The following NLGN1 variants were observed in gnomAD, a reference collection of about 807,000 sequenced individuals.
NLGN1 encodes the protein neuroligin-1.
In NLGN1, 12 loss-of-function variants were observed where a neutral mutation model predicts 65.5. That is an observed-to-expected ratio of 0.18 (90% confidence interval 0.12 to 0.30). The LOEUF (loss-of-function observed/expected upper bound fraction) is 0.30. Among genes scored for constraint, NLGN1 ranks in the 10% least tolerant of loss-of-function variants. The probability of loss-of-function intolerance (pLI) is 1.00; values close to 1 mark genes in which losing one functional copy is unlikely to be tolerated. For synonymous variants in NLGN1, 350 were observed against 359.5 expected (o/e 0.97, Z 0.30); for missense variants, 750 against 1,007.1 (o/e 0.74, Z 3.46).
intron 4 of NLGN1, among the ~76,000 whole-genome samples, chr3:174,128,709 G>T (rs1275370514): frequency 6.6e-6 from 1 of 152,026 alleles, no homozygotes; most frequent in Non-Finnish European, 1.5e-5. Flanking sequence ...GTCCATTTCG[G>T]GACAAGCTAT....
At chr3:173,622,070 T>C (rs148627070) in intron 3 of NLGN1, among the ~76,000 whole-genome samples, 15 of 152,134 alleles carry the variant, frequency 9.9e-5, no homozygotes, top group Non-Finnish European at 1.9e-4. Context: ...AAAATTTCTC[T>C]ATTACTGTCA....
chr3:174,040,814 A>ATT (rs1346400240), intron 4 of NLGN1, among the ~76,000 whole-genome samples: 2 of 152,090 alleles, frequency 1.3e-5, no homozygotes, highest in African/African-American at 2.4e-5. Flanking sequence ...TATCACCTAG[A>ATT]TTCTATCATT....
chr3:173,541,037 A>T (rs57930505), intron 2 of NLGN1, among the ~76,000 whole-genome samples: 250 of 152,284 alleles, frequency 1.6e-3, no homozygotes, highest in African/African-American at 5.4e-3. Flanking sequence ...AAGCACAGTG[A>T]CGTGCCATCC....
intron 3 of NLGN1, among the ~76,000 whole-genome samples, chr3:173,788,072 C>T (rs913721714): frequency 6.6e-6 from 1 of 151,684 alleles, no homozygotes; most frequent in Non-Finnish European, 1.5e-5. Context: ...TTTAGAAATA[C>T]AGCTTTGTCC....
At chr3:173,759,000 T>G (rs1307397726) in intron 3 of NLGN1, among the ~76,000 whole-genome samples, 1 of 151,964 alleles carries the variant, frequency 6.6e-6, no homozygotes, top group African/African-American at 2.4e-5. Flanking sequence ...AATTTTGCAC[T>G]TAGGTACTTG....
At position 174,083,634 on chromosome 3, in the gene NLGN1, T is replaced by A. The variant is rs151229345; in HGVS notation, c.647-191681T>A. Among the ~76,000 whole-genome samples, 408 of 152,264 alleles carry A rather than the reference T, an allele frequency of 2.7e-3. 3 individuals carry two copies. Among genetic ancestry groups the A allele is most frequent in the African/African-American group, 9.4e-3 (392 of 41,560 alleles). ...ATAGATTTTAAGTATTGGAATACTTTTAAAAAAGAAATGCCGGAAAGTTCA... is the reference window on the plus strand; with the variant it reads ...ATAGATTTTAAGTATTGGAATACTTATAAAAAAGAAATGCCGGAAAGTTCA... On this transcript the variant is annotated intron_variant, in intron 4 of 6. Transcript: ENST00000457714.
chr3:173,644,119 G>A (rs1049548539), intron 3 of NLGN1: 2 of 152,254 alleles, frequency 1.3e-5, no homozygotes, highest in African/African-American at 2.4e-5. Context: ...GCGCTCAACA[G>A]TATGACAAGA....
At chr3:173,605,048 C>T (rs140286287) in exon 3 of NLGN1, 122 of 1,612,478 alleles carry the variant, frequency 7.6e-5, no homozygotes, top group Non-Finnish European at 9.7e-5. Flanking sequence ...AAGACCAGAG[C>T]GAAGACTGCC....
chr3:173,975,033 G>C (rs933352526), intron 4 of NLGN1, among the ~76,000 whole-genome samples: 13 of 152,040 alleles, frequency 8.6e-5, no homozygotes, highest in Admixed American at 8.5e-4. Flanking sequence ...TAGAGACAGA[G>C]AGAAGATTGG....
intron 4 of NLGN1, among the ~76,000 whole-genome samples, chr3:173,922,196 T>C (rs1418658772): frequency 6.6e-6 from 1 of 152,096 alleles, no homozygotes; most frequent in African/African-American, 2.4e-5. Context: ...TTAAAATTTG[T>C]ATAAAGAACT....
chr3:173,921,181 T>G (rs1216562702), intron 4 of NLGN1, among the ~76,000 whole-genome samples: 3 of 128,960 alleles, frequency 2.3e-5, no homozygotes, highest in Admixed American at 7.4e-5. Context: ...ATATTACATA[T>G]TATATATACA....
chr3:173,939,516 A>G (rs1288259277), intron 4 of NLGN1, among the ~76,000 whole-genome samples: 4 of 152,210 alleles, frequency 2.6e-5, no homozygotes, highest in Non-Finnish European at 5.9e-5. Flanking sequence ...AAAAAGGCAC[A>G]TAATGATCTT....
chr3:174,226,184 A>G (rs1044986021), intron 4 of NLGN1, among the ~76,000 whole-genome samples: 4 of 152,162 alleles, frequency 2.6e-5, no homozygotes, highest in Admixed American at 2.6e-4. Context: ...GAAGTTCTTT[A>G]TGAGCACAGC....
rs1751652875 is a variant in NLGN1, at chr3:174,282,510, C to CA, written c.*1208dup. The CA allele has an allele frequency of 2.0e-5, 3 of 152,310 alleles. 1 individual carries two copies. Among genetic ancestry groups the CA allele is most frequent in the South Asian group, 4.1e-4 (2 of 4,826 alleles). The allele number at this position is 152,310 out of a possible 1,614,324, so 9.4% of individuals were successfully genotyped here. A position where few individuals can be genotyped will look rare whatever the true frequency, so the allele number is the denominator to read the frequency against. ...TGAGGTTCATTCACTGGAATTTACTCACGCAATCTCAGTAGAGTACAACGT... is the reference window on the plus strand; with the variant it reads ...TGAGGTTCATTCACTGGAATTTACTCAACGCAATCTCAGTAGAGTACAACGT... On this transcript the variant is annotated 3_prime_UTR_variant, in exon 7 of 7. Transcript: ENST00000457714.
chr3:173,939,189 A>G (rs1745554531), intron 4 of NLGN1, among the ~76,000 whole-genome samples: 1 of 152,228 alleles, frequency 6.6e-6, no homozygotes, highest in Admixed American at 6.5e-5. Flanking sequence ...GTGTGTATAT[A>G]TGTATAGCCC....
At chr3:174,160,565 TGTAAA>T (rs1726298759) in intron 4 of NLGN1, among the ~76,000 whole-genome samples, 1 of 151,546 alleles carries the variant, frequency 6.6e-6, no homozygotes, top group African/African-American at 2.4e-5. Context: ...CTTATACTTC[TGTAAA>T]GTATTTTGTA....
At chr3:173,519,526 C>T (rs1403101677) in intron 2 of NLGN1, among the ~76,000 whole-genome samples, 2 of 152,196 alleles carry the variant, frequency 1.3e-5, no homozygotes, top group Admixed American at 1.3e-4. Flanking sequence ...ACAAGTGTGC[C>T]CTGGATGTGG....
intron 4 of NLGN1, among the ~76,000 whole-genome samples, chr3:174,174,436 C>G (rs1729082451): frequency 6.6e-6 from 1 of 152,044 alleles, no homozygotes; most frequent in African/African-American, 2.4e-5. Flanking sequence ...TACATTCCCA[C>G]CAGCAGTGTA....
At chr3:173,972,235 G>A (rs879243359) in intron 4 of NLGN1, among the ~76,000 whole-genome samples, 2 of 152,080 alleles carry the variant, frequency 1.3e-5, no homozygotes, top group African/African-American at 4.8e-5. Context: ...TGCCTGCAGC[G>A]GGAGAAGCTT....
Sources: gnomAD v4.1 joint callset for allele counts (sites outside exome capture counted in the v4.1 genomes callset) on GRCh38, gnomAD v4.1.1 for gene constraint, MANE v1.5 for transcripts, NCBI Gene and HGNC (gene_info 2026-07-23, HGNC 2026-07-21) for gene names.